Variants in GPC5 observed in about 807,000 individuals in gnomAD.
GPC5 encodes the protein glypican 5.
Under a neutral mutation model 53.9 loss-of-function variants are expected in GPC5, and 47 were observed. That is an observed-to-expected ratio of 0.87 (90% CI 0.69 to 1.11). GPC5 has a LOEUF of 1.11. GPC5 is among the 50% of genes most tolerant of loss of function. The pLI, the probability that GPC5 is intolerant of heterozygous loss-of-function variation, is 0.00. For synonymous variants in GPC5, 286 were observed against 263.3 expected, an observed-to-expected ratio of 1.09 and a Z score of -0.84; for missense variants, 748 against 713.1, an observed-to-expected ratio of 1.05 and a Z score of -0.56.
At chr13:91,405,065 T>C (rs1211480496) in intron 1 of GPC5, among the ~76,000 whole-genome samples, 3 of 152,230 alleles carry the variant, frequency 2.0e-5, no homozygotes, top group Non-Finnish European at 2.9e-5. Context: ...AATTCACCTT[T>C]GTCGTTAGAA....
At chr13:91,712,837 C>T (rs1451706621) in intron 3 of GPC5, among the ~76,000 whole-genome samples, 1 of 151,488 alleles carries the variant, frequency 6.6e-6, no homozygotes, top group Non-Finnish European at 1.5e-5. Flanking sequence ...AATTATTAAG[C>T]CTGTTGAAAA....
At chr13:92,175,426 A>C (rs758174483) in intron 7 of GPC5, among the ~76,000 whole-genome samples, 2 of 152,352 alleles carry the variant, frequency 1.3e-5, no homozygotes, top group Middle Eastern at 3.4e-3. Context: ...AAAATTTAGT[A>C]GTGCGTTCTA....
intron 6 of GPC5, among the ~76,000 whole-genome samples, chr13:91,927,094 CTCAG>C (rs765326255): frequency 1.6e-4 from 25 of 152,010 alleles, no homozygotes; most frequent in Admixed American, 2.6e-4. Flanking sequence ...GAAGTGATTT[CTCAG>C]TCAGTTATTG....
intron 5 of GPC5, among the ~76,000 whole-genome samples, chr13:91,828,387 G>GT (rs2038607603): frequency 2.0e-5 from 3 of 149,838 alleles, no homozygotes; most frequent in African/African-American, 7.3e-5. Flanking sequence ...AGGTAGGTAG[G>GT]AAGGAAGATA....
chr13:92,231,810 A>G (rs2042531985), intron 7 of GPC5, among the ~76,000 whole-genome samples: 1 of 152,058 alleles, frequency 6.6e-6, no homozygotes, highest in Non-Finnish European at 1.5e-5. Flanking sequence ...TACTAAAAAT[A>G]CAAAAATTAG....
intron 7 of GPC5, among the ~76,000 whole-genome samples, chr13:92,193,466 CAG>C (rs1454275783): frequency 8.5e-5 from 13 of 152,142 alleles, no homozygotes; most frequent in African/African-American, 2.6e-4. Flanking sequence ...GGAGAATTCC[CAG>C]AGAGTTTCCT....
intron 7 of GPC5, among the ~76,000 whole-genome samples, chr13:92,376,787 CG>C: frequency 6.6e-6 from 1 of 151,876 alleles, no homozygotes; most frequent in Admixed American, 6.6e-5. Context: ...GAGATTAAGG[CG>C]GGCGGATCAC....
intron 4 of GPC5, among the ~76,000 whole-genome samples, chr13:91,752,246 G>A (rs2037194810): frequency 6.6e-6 from 1 of 152,034 alleles, no homozygotes; most frequent in African/African-American, 2.4e-5. Context: ...ATGTATGTAT[G>A]TATGTATATA....
At chr13:91,871,816 C>A (rs931831204) in intron 5 of GPC5, among the ~76,000 whole-genome samples, 1 of 151,692 alleles carries the variant, frequency 6.6e-6, no homozygotes, top group Non-Finnish European at 1.5e-5. Context: ...ATTGCCATGA[C>A]GCTAGATTAG....
intron 6 of GPC5, among the ~76,000 whole-genome samples, chr13:92,133,833 C>T (rs1365905680): frequency 1.3e-5 from 2 of 152,074 alleles, no homozygotes; most frequent in Admixed American, 6.6e-5. Context: ...ATGCTGATTC[C>T]CGCAGTCCAT....
intron 2 of GPC5, among the ~76,000 whole-genome samples, chr13:91,662,683 G>C (rs1363365197): frequency 1.3e-5 from 2 of 151,706 alleles, no homozygotes; most frequent in African/African-American, 4.8e-5. Flanking sequence ...ATTTTCATTT[G>C]GTTCTGTATT....
intron 7 of GPC5, among the ~76,000 whole-genome samples, chr13:92,439,844 G>T (rs1877474733): frequency 6.6e-6 from 1 of 152,060 alleles, no homozygotes; most frequent in South Asian, 2.1e-4. Flanking sequence ...AGACCTCTCA[G>T]GATTCAGTTA....
At chr13:92,662,007 T>G (rs1886361291) in intron 7 of GPC5, among the ~76,000 whole-genome samples, 1 of 152,148 alleles carries the variant, frequency 6.6e-6, no homozygotes, top group African/African-American at 2.4e-5. Flanking sequence ...AAATCTTACA[T>G]CCATATTTCC....
chr13:92,742,404 T>C (rs1437112937), intron 7 of GPC5, among the ~76,000 whole-genome samples: 2 of 152,214 alleles, frequency 1.3e-5, no homozygotes, highest in African/African-American at 4.8e-5. Context: ...TGTCTATTCA[T>C]ATCCTTTGCC....
At chr13:91,931,301 C>T (rs767337811) in intron 6 of GPC5, among the ~76,000 whole-genome samples, 5 of 151,928 alleles carry the variant, frequency 3.3e-5, no homozygotes, top group Non-Finnish European at 7.4e-5. Context: ...GTAAGGCTTA[C>T]GTATAACATC....
chr13:92,242,393 A>G (rs772986774), intron 7 of GPC5, among the ~76,000 whole-genome samples: 12 of 152,132 alleles, frequency 7.9e-5, no homozygotes, highest in African/African-American at 2.4e-4. Context: ...CCATTTTGAC[A>G]TGCATTTATC....
intron 7 of GPC5, among the ~76,000 whole-genome samples, chr13:92,522,613 T>C (rs1365232862): frequency 2.0e-5 from 3 of 151,824 alleles, no homozygotes; most frequent in Non-Finnish European, 4.4e-5. Flanking sequence ...CACTGGGGCC[T>C]GTTGTGGGGT....
rs542030620 is a variant in GPC5 at position 92,189,997 on chromosome 13, C to T, written c.1561+45008C>T. 8.5e-5 allele frequency among the ~76,000 whole-genome samples: 13 copies of T among 152,200 alleles called. No homozygotes were observed. In the East Asian group the frequency reaches 1.9e-3, roughly 23 times the overall value. On this transcript the variant is annotated intron_variant, in intron 7 of 7. Transcript: ENST00000377067. ...TGTCAGACACCAATTCACAGATCCA[C>T]GAAGCTCAGAGAACACCAGCCAGAA...
intron 2 of GPC5, among the ~76,000 whole-genome samples, chr13:91,529,064 A>G (rs114370749): frequency 0.027 from 4,155 of 152,280 alleles, 177 homozygotes; most frequent in African/African-American, 0.092. Context: ...AAAAGCTGAT[A>G]TTATTTTATA....
Sources: gnomAD v4.1 joint callset for allele counts (sites outside exome capture counted in the v4.1 genomes callset) on GRCh38, gnomAD v4.1.1 for gene constraint, MANE v1.5 for transcripts, NCBI Gene and HGNC (gene_info 2026-07-23, HGNC 2026-07-21) for gene names.